The following NKAIN2 variants were observed in gnomAD, a reference collection of about 807,000 sequenced individuals.
NKAIN2 encodes sodium/potassium-transporting ATPase subunit beta-1-interacting protein 2.
A neutral mutation model predicts 32.6 loss-of-function variants in NKAIN2; 14 were observed. That is an observed-to-expected ratio of 0.43 (90% CI 0.28 to 0.67). The LOEUF (loss-of-function observed/expected upper bound fraction) is 0.67, where lower values mean the gene tolerates loss of function less well. NKAIN2 is among the 30% of genes least tolerant of loss of function. The pLI is 0.17. For synonymous variants in NKAIN2, 80 were observed against 87.2 expected (o/e 0.92, Z 0.46); for missense variants, 198 against 258.3 (o/e 0.77, Z 1.60).
chr6:124,608,693 G>C (rs986164851), intron 3 of NKAIN2, among the ~76,000 whole-genome samples: 6 of 152,176 alleles, frequency 3.9e-5, no homozygotes, highest in Non-Finnish European at 8.8e-5. Context: ...CAAACGATTG[G>C]AAGTATTTTT....
intron 2 of NKAIN2, among the ~76,000 whole-genome samples, chr6:124,302,913 AG>A (rs147513774): frequency 5.8e-4 from 89 of 152,350 alleles, no homozygotes; most frequent in African/African-American, 2.1e-3. Flanking sequence ...CAAAGCAGCA[AG>A]AAAGAGCATA....
At chr6:123,998,869 T>G (rs1223072873) in intron 1 of NKAIN2, among the ~76,000 whole-genome samples, 1 of 150,554 alleles carries the variant, frequency 6.6e-6, no homozygotes, top group Non-Finnish European at 1.5e-5. Flanking sequence ...TGCTCTACAA[T>G]TATTCTCATT....
chr6:124,043,375 T>G (rs1781966702), intron 1 of NKAIN2, among the ~76,000 whole-genome samples: 1 of 151,990 alleles, frequency 6.6e-6, no homozygotes, highest in African/African-American at 2.4e-5. Flanking sequence ...TTAGACAAAT[T>G]TCTTAAGGAT....
chr6:124,407,342 C>G (rs1043386570), intron 3 of NKAIN2, among the ~76,000 whole-genome samples: 1 of 138,698 alleles, frequency 7.2e-6, no homozygotes, highest in African/African-American at 2.6e-5. Flanking sequence ...CTATCCCTCC[C>G]CCCTCCCCAC....
chr6:124,728,033 C>T (rs1275942219), intron 4 of NKAIN2, among the ~76,000 whole-genome samples: 1 of 151,582 alleles, frequency 6.6e-6, no homozygotes, highest in East Asian at 1.9e-4. Context: ...ATGCACCCAA[C>T]ACAGGAGCAC....
chr6:124,281,547 T>G (rs1795298579), intron 1 of NKAIN2, among the ~76,000 whole-genome samples: 1 of 152,194 alleles, frequency 6.6e-6, no homozygotes, highest in Non-Finnish European at 1.5e-5. Flanking sequence ...CTGATGAGTA[T>G]CATGGCTTTA....
At chr6:124,690,436 T>C (rs1774201519) in intron 4 of NKAIN2, among the ~76,000 whole-genome samples, 1 of 152,166 alleles carries the variant, frequency 6.6e-6, no homozygotes, top group Non-Finnish European at 1.5e-5. Flanking sequence ...TTCAGTTTCC[T>C]TTTCTTGTCT....
At chr6:124,435,165 T>A (rs955374405) in intron 3 of NKAIN2, among the ~76,000 whole-genome samples, 2 of 152,114 alleles carry the variant, frequency 1.3e-5, no homozygotes, top group Non-Finnish European at 2.9e-5. Flanking sequence ...GAAATCTGGA[T>A]AACTAGAAGG....
intron 2 of NKAIN2, among the ~76,000 whole-genome samples, chr6:124,321,215 T>A (rs1797173046): frequency 6.6e-6 from 1 of 152,172 alleles, no homozygotes; most frequent in Non-Finnish European, 1.5e-5. Context: ...AAAATCCCCA[T>A]TCCCCCTTTA....
At chr6:124,282,902 G>C in intron 1 of NKAIN2, 103 bp from the exon 2 acceptor site, 2 of 972,552 alleles carry the variant, frequency 2.1e-6, no homozygotes, top group Non-Finnish European at 3.2e-6. Context: ...TGGTAACACA[G>C]TTATAAGTGC....
intron 1 of NKAIN2, among the ~76,000 whole-genome samples, chr6:124,180,837 T>C (rs2114541782): frequency 6.6e-6 from 1 of 152,294 alleles, no homozygotes; most frequent in East Asian, 1.9e-4. Context: ...TGAATGCCTG[T>C]GGCTTTTCCA....
intron 4 of NKAIN2, among the ~76,000 whole-genome samples, chr6:124,680,054 T>C (rs1461120475): frequency 2.2e-5 from 3 of 137,594 alleles, no homozygotes; most frequent in African/African-American, 8.5e-5. Flanking sequence ...TATAATTCTC[T>C]TATGTGCTAT....
At chr6:124,468,053 T>C (rs559126732) in intron 3 of NKAIN2, among the ~76,000 whole-genome samples, 2 of 152,268 alleles carry the variant, frequency 1.3e-5, no homozygotes, top group East Asian at 3.9e-4. Flanking sequence ...ACTTCCATGA[T>C]AGATGCTTGA....
chr6:124,289,932 A>T (rs769829153), intron 2 of NKAIN2, among the ~76,000 whole-genome samples: 42 of 152,344 alleles, frequency 2.8e-4, no homozygotes, highest in Non-Finnish European at 5.1e-4. Context: ...TTGAGGACAG[A>T]AAATCAATGT....
At chr6:124,073,884 A>G (rs1318496894) in intron 1 of NKAIN2, among the ~76,000 whole-genome samples, 1 of 152,134 alleles carries the variant, frequency 6.6e-6, no homozygotes, top group Non-Finnish European at 1.5e-5. Flanking sequence ...TAGTTTTAAA[A>G]TGTAATCTAA....
chr6:124,455,224 A>G (rs1026861866), intron 3 of NKAIN2, among the ~76,000 whole-genome samples: 6 of 152,086 alleles, frequency 3.9e-5, no homozygotes, highest in African/African-American at 1.4e-4. Context: ...GCATGTCCTT[A>G]TTGTCTAGAA....
At chr6:124,030,000 T>G (rs1032618907) in intron 1 of NKAIN2, among the ~76,000 whole-genome samples, 2 of 151,858 alleles carry the variant, frequency 1.3e-5, no homozygotes, top group East Asian at 3.9e-4. Flanking sequence ...GGCAGGCATT[T>G]AAGACCAGCC....
chr6:124,675,612 C>G (rs1438268624), intron 4 of NKAIN2, among the ~76,000 whole-genome samples: 5 of 151,932 alleles, frequency 3.3e-5, no homozygotes, highest in African/African-American at 1.2e-4. Context: ...TTATTCATGT[C>G]TTCCAAGTTA....
At chr6:124,076,272 A>T (rs113879260) in intron 1 of NKAIN2, among the ~76,000 whole-genome samples, 1,644 of 152,306 alleles carry the variant, frequency 0.011, 10 homozygotes, top group Non-Finnish European at 0.016. Context: ...GTATTAAAAA[A>T]GTTGAGGCAG....
Sources: allele counts gnomAD v4.1 joint callset (sites outside exome capture counted in the v4.1 genomes callset), GRCh38; gene constraint gnomAD v4.1.1; transcripts MANE v1.5; gene names NCBI Gene and HGNC (gene_info 2026-07-23, HGNC 2026-07-21).